The following MAPKAP1 variants were observed in gnomAD, a reference collection of about 807,000 sequenced individuals.
MAPKAP1 encodes the protein target of rapamycin complex 2 subunit MAPKAP1.
MAPKAP1 carries 20 observed loss-of-function variants against 65.7 expected under a neutral mutation model. The ratio of observed to expected loss-of-function variants is 0.30; its 90% CI spans 0.21 to 0.44. The LOEUF (loss-of-function observed/expected upper bound fraction) is 0.44. Among genes scored for constraint, MAPKAP1 ranks in the 20% least tolerant of loss-of-function variants. The pLI is 1.00. For synonymous variants in MAPKAP1, 222 were observed against 244.3 expected, an observed-to-expected ratio of 0.91 and a Z score of 0.85; for missense variants, 423 against 648.0, an observed-to-expected ratio of 0.65 and a Z score of 3.77.
At chr9:125,576,480 C>A (rs546475909) in intron 5 of MAPKAP1, among the ~76,000 whole-genome samples, 21 of 148,846 alleles carry the variant, frequency 1.4e-4, no homozygotes, top group Admixed American at 1.4e-3. Flanking sequence ...CGAAGCATAG[C>A]TCTCCCTCTC....
chr9:125,488,680 C>A (rs1278779216), intron 8 of MAPKAP1, among the ~76,000 whole-genome samples: 1 of 152,170 alleles, frequency 6.6e-6, no homozygotes, highest in East Asian at 1.9e-4. Flanking sequence ...CTCAGGAGTA[C>A]CACTTGTTGG....
At chr9:125,517,148 A>G (rs1333616484) in intron 7 of MAPKAP1, among the ~76,000 whole-genome samples, 1 of 151,942 alleles carries the variant, frequency 6.6e-6, no homozygotes, top group African/African-American at 2.4e-5. Context: ...GCTCTTCACC[A>G]CTCTGCTCTG....
intron 10 of MAPKAP1, among the ~76,000 whole-genome samples, chr9:125,457,925 T>A (rs1317542332): frequency 6.6e-6 from 1 of 152,230 alleles, no homozygotes; most frequent in Non-Finnish European, 1.5e-5. Flanking sequence ...CCATACTCTA[T>A]TCTGCAAATT....
rs142851780 is a variant in MAPKAP1, at chr9:125,595,402, T to C, written c.499-9675A>G. 223 of 329,970 alleles carry C rather than the reference T, an allele frequency of 6.8e-4. No homozygotes were observed. Among genetic ancestry groups the C allele is most frequent in the African/African-American group, 4.7e-3 (213 of 44,878 alleles). 20.4% of individuals were successfully genotyped at this position (329,970 alleles called of 1,614,324 possible). A position where few individuals can be genotyped will look rare whatever the true frequency, so the allele number is the denominator to read the frequency against. Reference sequence around the variant, plus strand: ...GAATTGAAATGTATGTATTTGAACATGCTGATGAATTAAAACATTATCTAG... The same window carrying C: ...GAATTGAAATGTATGTATTTGAACACGCTGATGAATTAAAACATTATCTAG... On this transcript the variant is annotated intron_variant, in intron 4 of 11. Transcript: ENST00000265960. The surrounding 1 kb of genome is among the most constrained non-coding windows in gnomAD (Gnocchi z 4.0).
intron 4 of MAPKAP1, among the ~76,000 whole-genome samples, chr9:125,587,900 C>CA (rs1589315836): frequency 1.3e-5 from 2 of 152,048 alleles, no homozygotes; most frequent in Non-Finnish European, 2.9e-5. Context: ...AACAACAACC[C>CA]AAAAAACCCC....
At chr9:125,489,047 T>C (rs921136792) in intron 8 of MAPKAP1, among the ~76,000 whole-genome samples, 1 of 152,220 alleles carries the variant, frequency 6.6e-6, no homozygotes, top group African/African-American at 2.4e-5. Flanking sequence ...CTTGATATTG[T>C]ACCATCTGCA....
At chr9:125,699,650 T>G (rs958973701) in intron 1 of MAPKAP1, among the ~76,000 whole-genome samples, 31 of 151,706 alleles carry the variant, frequency 2.0e-4, no homozygotes, top group Non-Finnish European at 2.9e-4. Flanking sequence ...TTTTTTTTTT[T>G]TTGAGACAGT....
intron 9 of MAPKAP1, among the ~76,000 whole-genome samples, chr9:125,478,893 A>G (rs979829640): frequency 6.6e-6 from 1 of 151,852 alleles, no homozygotes; most frequent in Non-Finnish European, 1.5e-5. Flanking sequence ...TGTAGATTAG[A>G]TGAGGTTATC....
At chr9:125,700,432 C>A (rs1184548296) in intron 1 of MAPKAP1, among the ~76,000 whole-genome samples, 1 of 152,202 alleles carries the variant, frequency 6.6e-6, no homozygotes, top group South Asian at 2.1e-4. Context: ...GAATCTAACA[C>A]TGCTTATATT....
At chr9:125,507,516 C>A (rs1008831044) in intron 7 of MAPKAP1, among the ~76,000 whole-genome samples, 2 of 152,202 alleles carry the variant, frequency 1.3e-5, no homozygotes, top group African/African-American at 4.8e-5. Context: ...TCTCTATCAT[C>A]AGCATGAGGC....
At chr9:125,489,340 A>G (rs1854615834) in intron 8 of MAPKAP1, among the ~76,000 whole-genome samples, 2 of 152,194 alleles carry the variant, frequency 1.3e-5, no homozygotes, top group South Asian at 4.1e-4. Flanking sequence ...GAATGACAAG[A>G]TAAATTGTTA....
At chr9:125,542,842 T>C (rs1040901163) in intron 7 of MAPKAP1, 42 of 700,176 alleles carry the variant, frequency 6.0e-5, no homozygotes, top group South Asian at 5.8e-4. Flanking sequence ...CCACAATTGA[T>C]ATGAATACAT....
intron 4 of MAPKAP1, among the ~76,000 whole-genome samples, chr9:125,632,083 A>G (rs1441219360): frequency 6.6e-6 from 1 of 152,084 alleles, no homozygotes; most frequent in Admixed American, 6.5e-5. Context: ...TTAGCCAGGC[A>G]TGGTGGCACA....
intron 8 of MAPKAP1, among the ~76,000 whole-genome samples, chr9:125,485,060 C>G (rs769898521): frequency 6.6e-6 from 1 of 152,210 alleles, no homozygotes; most frequent in Non-Finnish European, 1.5e-5. Flanking sequence ...TGGGATTTCA[C>G]TCGTTCCCCA....
chr9:125,585,859 C>T, intron 4 of MAPKAP1, 132 bp from the exon 5 acceptor site: 1 of 792,086 alleles, frequency 1.3e-6, no homozygotes, highest in Non-Finnish European at 2.0e-6. Context: ...ATGGAATGGT[C>T]CCAAAGTGGA....
intron 4 of MAPKAP1, among the ~76,000 whole-genome samples, chr9:125,643,838 A>G (rs1378722395): frequency 3.3e-5 from 5 of 152,216 alleles, no homozygotes; most frequent in African/African-American, 1.2e-4. Context: ...GGTCTTGCCA[A>G]CATGGGAAAT....
At chr9:125,616,474 AT>A (rs1832750920) in intron 4 of MAPKAP1, among the ~76,000 whole-genome samples, 1 of 152,222 alleles carries the variant, frequency 6.6e-6, no homozygotes, top group African/African-American at 2.4e-5. Context: ...AATGGTTAGT[AT>A]CCAAACATAC....
intron 4 of MAPKAP1, among the ~76,000 whole-genome samples, chr9:125,649,664 A>G (rs1833834715): frequency 1.3e-5 from 2 of 152,078 alleles, no homozygotes; most frequent in Admixed American, 1.3e-4. Flanking sequence ...CAGATTCCCC[A>G]AACACAAACC....
chr9:125,645,226 G>C (rs117814965), intron 4 of MAPKAP1, among the ~76,000 whole-genome samples: 542 of 152,306 alleles, frequency 3.6e-3, no homozygotes, highest in Non-Finnish European at 4.8e-3. Flanking sequence ...CTTTGCAGAA[G>C]AGCTACAGAG....
Sources: gnomAD v4.1 joint callset for allele counts (sites outside exome capture counted in the v4.1 genomes callset) on GRCh38, gnomAD v4.1.1 for gene constraint, Gnocchi (gnomAD v3.1) non-coding constraint, MANE v1.5 for transcripts, NCBI Gene and HGNC (gene_info 2026-07-23, HGNC 2026-07-21) for gene names.